Variants in CRPPA observed in about 807,000 individuals in gnomAD.
CRPPA encodes D-ribitol-5-phosphate cytidylyltransferase.
Under a neutral mutation model 52.0 loss-of-function variants are expected in CRPPA, and 43 were observed. The ratio of observed to expected loss-of-function variants is 0.83; its 90% CI spans 0.65 to 1.07. CRPPA has a LOEUF of 1.07. CRPPA is among the 50% of genes least tolerant of loss of function. CRPPA has a pLI of 0.00. For missense variants in CRPPA, 629 were observed against 551.7 expected (o/e 1.14, Z -1.40); for synonymous variants, 250 against 203.5 (o/e 1.23, Z -1.94).
chr7:16,402,849 G>A (rs1292528864), intron 2 of CRPPA, among the ~76,000 whole-genome samples: 1 of 152,104 alleles, frequency 6.6e-6, no homozygotes, highest in Non-Finnish European at 1.5e-5. Flanking sequence ...AGAGTTGTCA[G>A]GACCAGAAAT....
intron 9 of CRPPA, among the ~76,000 whole-genome samples, chr7:16,118,579 T>C (rs1369769923): frequency 6.6e-6 from 1 of 151,944 alleles, no homozygotes; most frequent in African/African-American, 2.4e-5. Context: ...TCAGCACAAG[T>C]GAGATAATCT....
At chr7:16,328,346 T>C (rs1785464823) in intron 3 of CRPPA, among the ~76,000 whole-genome samples, 1 of 152,236 alleles carries the variant, frequency 6.6e-6, no homozygotes, top group Non-Finnish European at 1.5e-5. Flanking sequence ...AGTAGTTAAC[T>C]ACATTCTAAA....
At chr7:16,172,113 C>T (rs1020597365) in intron 9 of CRPPA, among the ~76,000 whole-genome samples, 3 of 152,216 alleles carry the variant, frequency 2.0e-5, no homozygotes, top group African/African-American at 7.2e-5. Flanking sequence ...CTACCTCCTA[C>T]ACATTCTTTA....
At chr7:16,382,580 A>C (rs1405343814) in intron 2 of CRPPA, among the ~76,000 whole-genome samples, 1 of 152,002 alleles carries the variant, frequency 6.6e-6, no homozygotes, top group African/African-American at 2.4e-5. Context: ...AATATCCTGC[A>C]GAGTGTTTTC....
chr7:16,385,859 G>T (rs545116804), intron 2 of CRPPA, among the ~76,000 whole-genome samples: 1 of 152,316 alleles, frequency 6.6e-6, no homozygotes, highest in African/African-American at 2.4e-5. Context: ...GGGATGGGGA[G>T]CACCCAGATG....
In CRPPA at chr7:16,326,681, A is replaced by C. The variant is rs78966320; in HGVS notation, c.685-18054T>G. On this transcript the variant is annotated intron_variant, in intron 3 of 9. Coordinates refer to ENST00000407010, the MANE Select transcript of CRPPA (RefSeq NM_001101426.4). Reference sequence around the variant, plus strand: ...TACCTATCTACTACTAGTTCTTGCCAAATCCTATAGCATTTGTTAAGTAGT... The same window carrying C: ...TACCTATCTACTACTAGTTCTTGCCCAATCCTATAGCATTTGTTAAGTAGT... Among the ~76,000 whole-genome samples the C allele has an allele frequency of 3.7e-3, 562 of 152,344 alleles. 28 individuals carry two copies. The East Asian group carries it at 0.088, about 24-fold the overall frequency.
At chr7:16,411,376 A>G (rs1788073536) in intron 1 of CRPPA, among the ~76,000 whole-genome samples, 1 of 152,124 alleles carries the variant, frequency 6.6e-6, no homozygotes, top group Admixed American at 6.5e-5. Flanking sequence ...AGGAGAGAAA[A>G]AATCATTTTG....
At chr7:16,375,822 T>G (rs898572305) in intron 3 of CRPPA, among the ~76,000 whole-genome samples, 1 of 152,180 alleles carries the variant, frequency 6.6e-6, no homozygotes, top group African/African-American at 2.4e-5. Flanking sequence ...TTGCTGAATT[T>G]TCACTGCTGG....
intron 9 of CRPPA, among the ~76,000 whole-genome samples, chr7:16,149,380 G>A (rs189423748): frequency 3.9e-5 from 6 of 152,258 alleles, no homozygotes; most frequent in African/African-American, 1.4e-4. Flanking sequence ...CCAATTCCAT[G>A]ATAATATTAC....
intron 1 of CRPPA, among the ~76,000 whole-genome samples, chr7:16,407,056 A>T (rs1387137905): frequency 6.6e-6 from 1 of 152,090 alleles, no homozygotes; most frequent in Non-Finnish European, 1.5e-5. Context: ...GTTCACTGCA[A>T]CCTCTGCCTC....
intron 3 of CRPPA, among the ~76,000 whole-genome samples, chr7:16,316,575 C>A (rs977700906): frequency 1.3e-5 from 2 of 152,056 alleles, no homozygotes; most frequent in Admixed American, 6.6e-5. Context: ...AAAATTTAAA[C>A]AACTGGCCAG....
At chr7:16,400,460 C>G (rs1203829160) in intron 2 of CRPPA, among the ~76,000 whole-genome samples, 2 of 152,224 alleles carry the variant, frequency 1.3e-5, no homozygotes, top group Non-Finnish European at 2.9e-5. Context: ...TTGTGTGACA[C>G]ATGACCGACA....
chr7:16,319,636 T>C (rs865822736), intron 3 of CRPPA, among the ~76,000 whole-genome samples: 1 of 152,124 alleles, frequency 6.6e-6, no homozygotes, highest in African/African-American at 2.4e-5. Flanking sequence ...AAAATTCTTC[T>C]AGTCTCCAGT....
chr7:16,145,562 T>C (rs1354580319), intron 9 of CRPPA, among the ~76,000 whole-genome samples: 1 of 151,594 alleles, frequency 6.6e-6, no homozygotes, highest in Non-Finnish European at 1.5e-5. Flanking sequence ...TACAAGAGAA[T>C]GTGGATAAAC....
At chr7:16,286,066 T>TTTAAAAAAAAAAAAA (rs1562608525) in intron 5 of CRPPA, among the ~76,000 whole-genome samples, 9 of 25,830 alleles carry the variant, frequency 3.5e-4, no homozygotes, top group East Asian at 7.9e-4. Context: ...TATATATATA[T>TTTAAAAAAAAAAAAA]ATATATATAT....
chr7:16,421,052 C>A lies in CRPPA; in HGVS notation c.257+14G>T. ...GCCCCAGGGAACCGCGGGGCGCGCC[C>A]GGCGCCGCATTACCTCTCCAGGGCC... On this transcript the variant is annotated intron_variant, in intron 1 of 9. Coordinates refer to ENST00000407010, the MANE Select transcript of CRPPA (RefSeq NM_001101426.4). 1 of 1,263,436 alleles carries A rather than the reference C, an allele frequency of 7.9e-7. No homozygotes were observed. Among genetic ancestry groups the A allele is most frequent in the Non-Finnish European group, 1.0e-6 (1 of 996,720 alleles). 78.3% of individuals were successfully genotyped at this position (1,263,436 alleles called of 1,614,324 possible). A position where few individuals can be genotyped will look rare whatever the true frequency, so the allele number is the denominator to read the frequency against.
At chr7:16,361,819 T>C (rs1019194015) in intron 3 of CRPPA, among the ~76,000 whole-genome samples, 5 of 152,088 alleles carry the variant, frequency 3.3e-5, no homozygotes, top group African/African-American at 1.2e-4. Context: ...ATTAAAATCG[T>C]AAATTTAGTT....
At chr7:16,212,877 T>C (rs1254433937) in intron 9 of CRPPA, among the ~76,000 whole-genome samples, 3 of 151,782 alleles carry the variant, frequency 2.0e-5, no homozygotes, top group Non-Finnish European at 2.9e-5. Context: ...CAATCAGTTA[T>C]AATAGTTTAT....
chr7:16,092,788 C>G (rs1034190707), intron 9 of CRPPA, among the ~76,000 whole-genome samples: 2 of 152,178 alleles, frequency 1.3e-5, no homozygotes, highest in African/African-American at 4.8e-5. Flanking sequence ...ATCCCATTAC[C>G]TGGTAATAAA....
Sources: allele counts gnomAD v4.1 joint callset (sites outside exome capture counted in the v4.1 genomes callset), GRCh38; gene constraint gnomAD v4.1.1; transcripts MANE v1.5; gene names NCBI Gene and HGNC (gene_info 2026-07-23, HGNC 2026-07-21).